Variants in LRMDA observed in about 807,000 individuals in gnomAD.
LRMDA encodes the protein leucine rich melanocyte differentiation associated.
Under a neutral mutation model 29.8 loss-of-function variants are expected in LRMDA, and 18 were observed. The observed-to-expected ratio is 0.60, with a 90% CI of 0.42 to 0.90. The LOEUF (loss-of-function observed/expected upper bound fraction) is 0.90. Ranked by LOEUF, LRMDA falls within the 40% of genes least tolerant of loss-of-function variation. LRMDA has a pLI of 0.00. For synonymous variants in LRMDA, 125 were observed against 109.4 expected (o/e 1.14, Z -0.89); for missense variants, 273 against 273.9 (o/e 1.00, Z 0.02).
intron 2 of LRMDA, among the ~76,000 whole-genome samples, chr10:75,823,504 C>T (rs1290621920): frequency 4.6e-5 from 7 of 152,060 alleles, no homozygotes; most frequent in African/African-American, 1.7e-4. Flanking sequence ...AGGGAATTCC[C>T]ACTCATACAC....
intron 6 of LRMDA, among the ~76,000 whole-genome samples, chr10:76,374,367 G>T (rs1354501004): frequency 6.6e-6 from 1 of 152,186 alleles, no homozygotes; most frequent in African/African-American, 2.4e-5. Context: ...CCTAGAAAAA[G>T]AAGGTTAGAT....
chr10:75,636,662 C>T (rs111258357), intron 2 of LRMDA, among the ~76,000 whole-genome samples: 2,530 of 151,838 alleles, frequency 0.017, 68 homozygotes, highest in African/African-American at 0.058. Context: ...ATTCTTAATT[C>T]ATTAGGTGAT....
chr10:76,548,317 GT>G (rs1443738651), intron 6 of LRMDA, among the ~76,000 whole-genome samples: 1 of 150,682 alleles, frequency 6.6e-6, no homozygotes, highest in East Asian at 1.9e-4. Flanking sequence ...ACAAAGAAAA[GT>G]TTACCATTCT....
At chr10:76,365,071 T>C (rs58846035) in intron 6 of LRMDA, among the ~76,000 whole-genome samples, 14,242 of 91,708 alleles carry the variant, frequency 0.16, 1,253 homozygotes, top group East Asian at 0.32. Flanking sequence ...CGTATATATA[T>C]ACACACACAC....
At chr10:75,724,897 G>A (rs190543892) in intron 2 of LRMDA, among the ~76,000 whole-genome samples, 1 of 152,158 alleles carries the variant, frequency 6.6e-6, no homozygotes, top group African/African-American at 2.4e-5. Context: ...CCAAATCCAG[G>A]GCTATGCCAA....
chr10:76,258,284 T>C (rs1839892376), intron 5 of LRMDA, among the ~76,000 whole-genome samples: 2 of 152,238 alleles, frequency 1.3e-5, no homozygotes, highest in South Asian at 4.1e-4. Flanking sequence ...TTCTACTTTT[T>C]TATGTAGTTC....
At chr10:76,215,524 G>A (rs1851713030) in intron 5 of LRMDA, among the ~76,000 whole-genome samples, 1 of 151,606 alleles carries the variant, frequency 6.6e-6, no homozygotes, top group Non-Finnish European at 1.5e-5. Context: ...GGGCTAAGTA[G>A]TAGATTCTTT....
intron 5 of LRMDA, among the ~76,000 whole-genome samples, chr10:76,213,600 T>A (rs1468759172): frequency 6.6e-6 from 1 of 152,236 alleles, no homozygotes; most frequent in African/African-American, 2.4e-5. Context: ...AAAGGAAAGA[T>A]AATGTCCCTT....
chr10:76,297,596 G>T (rs761458073), intron 5 of LRMDA, among the ~76,000 whole-genome samples: 1 of 152,112 alleles, frequency 6.6e-6, no homozygotes, highest in African/African-American at 2.4e-5. Flanking sequence ...CGTTCTGTTC[G>T]ACTCTGGTTG....
intron 2 of LRMDA, among the ~76,000 whole-genome samples, chr10:75,537,226 T>C (rs1839960362): frequency 1.3e-5 from 2 of 152,212 alleles, no homozygotes; most frequent in Admixed American, 1.3e-4. Context: ...CTCATTATTA[T>C]AACGTGCAAC....
chr10:76,304,280 G>A (rs1268776859), intron 5 of LRMDA, among the ~76,000 whole-genome samples: 4 of 152,194 alleles, frequency 2.6e-5, no homozygotes, highest in African/African-American at 9.7e-5. Context: ...AGACGCCACT[G>A]AATGCATCTT....
chr10:75,534,932 C>G (rs1839929237), intron 2 of LRMDA, among the ~76,000 whole-genome samples: 1 of 152,072 alleles, frequency 6.6e-6, no homozygotes, highest in Admixed American at 6.5e-5. Context: ...CAGAATTTCT[C>G]TATACCCATA....
intron 2 of LRMDA, among the ~76,000 whole-genome samples, chr10:75,592,166 C>T (rs575053505): frequency 1.3e-5 from 2 of 152,188 alleles, no homozygotes; most frequent in Admixed American, 1.3e-4. Context: ...CTTTGTTCCA[C>T]AGGTTCAAAG....
At chr10:76,132,907 A>T (rs1202909677) in intron 5 of LRMDA, among the ~76,000 whole-genome samples, 4 of 143,838 alleles carry the variant, frequency 2.8e-5, no homozygotes, top group African/African-American at 1.0e-4. Flanking sequence ...GGTTCACGCC[A>T]TTCTCCCGCC....
intron 5 of LRMDA, among the ~76,000 whole-genome samples, chr10:76,296,863 A>G (rs1437311844): frequency 6.6e-6 from 1 of 152,242 alleles, no homozygotes; most frequent in Non-Finnish European, 1.5e-5. Context: ...TGATCCCAAC[A>G]TGCTTGATTT....
At position 76,061,133 on chromosome 10, in the gene LRMDA, A is replaced by AGT. The variant is rs546508929; in HGVS notation, c.516+2352_516+2353dup. On this transcript the variant is annotated intron_variant, in intron 5 of 6. Transcript: ENST00000611255. ...CATGGAATCAGCCTAAATGCCCATC[A>AGT]GTGACAGATCAGATAAAGAAAATGT... is the stretch of plus-strand genomic sequence containing the variant. Among the ~76,000 whole-genome samples the AGT allele has an allele frequency of 2.4e-3, 368 of 152,330 alleles. 2 individuals are homozygous for AGT. Among genetic ancestry groups the AGT allele is most frequent in the African/African-American group, 7.4e-3 (308 of 41,578 alleles).
chr10:76,278,100 T>C (rs1840158884), intron 5 of LRMDA, among the ~76,000 whole-genome samples: 1 of 152,182 alleles, frequency 6.6e-6, no homozygotes, highest in East Asian at 1.9e-4. Flanking sequence ...TTTGGATGCA[T>C]TAATGAGAAT....
In LRMDA at chr10:76,497,177, T is replaced by C. The variant is rs1842883562; in HGVS notation, c.602-60032T>C. On this transcript the variant is annotated intron_variant, in intron 6 of 6. Transcript: ENST00000611255. ...TTATCTCTTCACTGGGAGATGTGCTTCCATGGCTTTCATCTTTTTTTTCCC... is the reference window on the plus strand; with the variant it reads ...TTATCTCTTCACTGGGAGATGTGCTCCCATGGCTTTCATCTTTTTTTTCCC... 2.6e-5 allele frequency among the ~76,000 whole-genome samples: 2 copies of C among 75,858 alleles called. 1 individual carries two copies. The highest frequency in any genetic ancestry group is 2.4e-4 in the Admixed American group (2 of 8,184). 49.8% of individuals were successfully genotyped at this position (75,858 alleles called of 152,430 possible).
intron 5 of LRMDA, among the ~76,000 whole-genome samples, chr10:76,280,128 TAGAGCCA>T (rs1840184399): frequency 6.6e-6 from 1 of 152,246 alleles, no homozygotes; most frequent in South Asian, 2.1e-4. Flanking sequence ...CAGGGACACG[TAGAGCCA>T]AGGCCTGAGC....
Sources: allele counts gnomAD v4.1 joint callset (sites outside exome capture counted in the v4.1 genomes callset), GRCh38; gene constraint gnomAD v4.1.1; transcripts MANE v1.5; gene names NCBI Gene and HGNC (gene_info 2026-07-23, HGNC 2026-07-21).